Variants in LIG3 observed in about 807,000 individuals in gnomAD.
The protein encoded by LIG3 is ligase II, DNA, ATP-dependent.
LIG3 carries 58 observed loss-of-function variants against 110.9 expected under a neutral mutation model. The observed-to-expected ratio is 0.52, with a 90% CI of 0.42 to 0.65. The LOEUF (loss-of-function observed/expected upper bound fraction) is 0.65. Among genes scored for constraint, LIG3 ranks in the 30% least tolerant of loss-of-function variants. The probability of loss-of-function intolerance (pLI) is 0.00; values close to 1 mark genes in which losing one functional copy is unlikely to be tolerated. For synonymous variants in LIG3, 422 were observed against 472.8 expected, an observed-to-expected ratio of 0.89 and a Z score of 1.39; for missense variants, 1,094 against 1,273.8, an observed-to-expected ratio of 0.86 and a Z score of 2.15.
intron 8 of LIG3, chr17:34,994,054 C>T (rs1291411204): frequency 6.6e-6 from 3 of 455,166 alleles, no homozygotes; most frequent in South Asian, 9.5e-5. Flanking sequence ...AAGGCAAGCT[C>T]CTATGTCAGC....
At chr17:34,987,017 A>G (rs902726452) in intron 3 of LIG3, among the ~76,000 whole-genome samples, 5 of 152,244 alleles carry the variant, frequency 3.3e-5, no homozygotes, top group African/African-American at 1.2e-4. Context: ...TTCAAATCCC[A>G]TCTCCTAAAG....
chr17:35,001,859 C>G, intron 17 of LIG3, 50 bp from the exon 18 acceptor site: 1 of 1,548,006 alleles, frequency 6.5e-7, no homozygotes, highest in African/African-American at 1.4e-5. Context: ...CCTCTGAGGC[C>G]AGACTGGGAA....
At chr17:34,998,119 T>C (rs1300196451) in intron 12 of LIG3, 100 bp from the exon 13 acceptor site, 1 of 853,878 alleles carries the variant, frequency 1.2e-6, no homozygotes, top group East Asian at 2.5e-5. Flanking sequence ...TAAGGGTGTT[T>C]CCAGTGGACA....
At position 34,991,676 on chromosome 17, in the gene LIG3, C is replaced by T. The variant is rs530568867; in HGVS notation, c.1047C>T (p.Asp349=). 4.6e-5 allele frequency: 74 copies of T among 1,613,762 alleles called. No individual in the cohort carries two copies. In the South Asian group the frequency reaches 4.7e-4, roughly 10 times the overall value. ...ATTTTGGTTTTTGGAGACAGGGTGACGTGTCAGAGACAATCAGAGTCTTCT... is the reference window on the plus strand; with the variant it reads ...ATTTTGGTTTTTGGAGACAGGGTGATGTGTCAGAGACAATCAGAGTCTTCT... ...DDMARDLEQG[D]VSETIRVFFE... Residue 349 remains aspartate (D), a synonymous_variant, in exon 6 of 20, where the codon GAC becomes GAT. Coordinates refer to ENST00000378526, the MANE Select transcript of LIG3 (RefSeq NM_013975.4).
chr17:34,996,255 G>C lies in LIG3; in HGVS notation c.1743+60G>C, dbSNP rs16970512. On this transcript the variant is annotated intron_variant, in intron 10 of 19. Transcript: ENST00000378526. ...GAGTGTGAGTGAGTATGTACATGTGGGTGCACGCTGCGGTCTGAAAAGGGA... is the reference window on the plus strand; with the variant it reads ...GAGTGTGAGTGAGTATGTACATGTGCGTGCACGCTGCGGTCTGAAAAGGGA... 2.3e-5 allele frequency: 36 copies of C among 1,566,296 alleles called. No homozygotes were observed. The East Asian group carries it at 3.4e-4, about 15-fold the overall frequency.
At position 35,001,422 on chromosome 17, in the gene LIG3, T is replaced by C; in HGVS notation, c.2478+19T>C. On this transcript the variant is annotated intron_variant, in intron 17 of 19. Coordinates refer to ENST00000378526, the MANE Select transcript of LIG3 (RefSeq NM_013975.4). Reference sequence around the variant, plus strand: ...ACTCAAGGTAGCAGCTCTTAGGCTGTATATGTATTCTCCACCCCACTGTCC... The same window carrying C: ...ACTCAAGGTAGCAGCTCTTAGGCTGCATATGTATTCTCCACCCCACTGTCC... 1.9e-6 allele frequency: 3 copies of C among 1,611,660 alleles called. No homozygotes were observed. The highest frequency in any genetic ancestry group is 2.5e-6 in the Non-Finnish European group (3 of 1,177,908).
chr17:34,999,466 G>A lies in LIG3; in HGVS notation c.2256+17G>A. The A allele has an allele frequency of 1.9e-6, 3 of 1,612,242 alleles. No homozygotes were observed. Among genetic ancestry groups the A allele is most frequent in the Non-Finnish European group, 2.5e-6 (3 of 1,178,924 alleles). On this transcript the variant is annotated intron_variant, in intron 15 of 19. Coordinates refer to ENST00000378526, the MANE Select transcript of LIG3 (RefSeq NM_013975.4). ...ATCAGCAAGGTGAGGAAGGGACCTG[G>A]TTGGCCATGGCCTCTGGACTGGCCG...
intron 2 of LIG3, 60 bp downstream of exon 2, chr17:34,983,612 G>C: frequency 6.9e-7 from 1 of 1,446,020 alleles, no homozygotes; most frequent in Admixed American, 2.3e-5. Context: ...GGGATAAGGA[G>C]TTCAACTGCT....
At chr17:34,998,174 C>T (rs780887035) in intron 12 of LIG3, 45 bp from the exon 13 acceptor site, 2 of 1,490,494 alleles carry the variant, frequency 1.3e-6, no homozygotes, top group South Asian at 2.4e-5. Flanking sequence ...CACTCACCAC[C>T]TTCTCCACTC....
intron 2 of LIG3, 130 bp from the exon 3 acceptor site, chr17:34,985,857 GC>G: frequency 1.2e-6 from 1 of 827,860 alleles, no homozygotes; most frequent in East Asian, 2.6e-5. Context: ...CCAGCCACCA[GC>G]CAGCCTTGGG....
chr17:34,986,376 C>T (rs531450876), intron 3 of LIG3, among the ~76,000 whole-genome samples: 1 of 152,234 alleles, frequency 6.6e-6, no homozygotes, highest in East Asian at 1.9e-4. Flanking sequence ...AGCTGGAGTG[C>T]AGTGGTGCAT....
In LIG3 at chr17:35,005,094, G is replaced by A. The variant is rs1253399313; in HGVS notation, c.*588G>A. Reference sequence around the variant, plus strand: ...CTGTGTTCTCCTATTACATGGTGAGGATCCCCAGTTTGAAGGGAGGGGACT... The same window carrying A: ...CTGTGTTCTCCTATTACATGGTGAGAATCCCCAGTTTGAAGGGAGGGGACT... On this transcript the variant is annotated 3_prime_UTR_variant, in exon 20 of 20. Coordinates refer to ENST00000378526, the MANE Select transcript of LIG3 (RefSeq NM_013975.4). The A allele has an allele frequency of 5.9e-6, 2 of 338,536 alleles. No individual in the cohort carries two copies. Among genetic ancestry groups the A allele is most frequent in the Non-Finnish European group, 1.2e-5 (2 of 170,268 alleles). The allele number at this position is 338,536 out of a possible 1,614,324, so 21.0% of individuals were successfully genotyped here. A position where few individuals can be genotyped will look rare whatever the true frequency, so the allele number is the denominator to read the frequency against.
In LIG3 at chr17:35,004,391, T is replaced by C. The variant is rs897134545; in HGVS notation, c.2915T>C (p.Met972Thr). The change falls in exon 20 of 20, where the codon ATG becomes ACG. Residue 972 changes from methionine to threonine, a missense_variant. Met to Thr is a moderately conservative substitution (Grantham distance 81, BLOSUM62 -1). Coordinates refer to ENST00000378526, the MANE Select transcript of LIG3 (RefSeq NM_013975.4). ...GGGGACCTGGTACAGGAATTTGATA[T>C]GACTTCAGCCACGCACGTGCTGGGT... ...FDGDLVQEFD[M>T]TSATHVLGSR... 4.3e-6 allele frequency: 7 copies of C among 1,614,084 alleles called. No homozygotes were observed. Among genetic ancestry groups the C allele is most frequent in the East Asian group, 4.5e-5 (2 of 44,884 alleles).
Position 35,005,330 on chromosome 17 carries a change from G to C in LIG3, c.*824G>C. The C allele has an allele frequency of 1.8e-6, 1 of 550,978 alleles. No homozygotes were observed. The highest frequency in any genetic ancestry group is 1.4e-5 in the South Asian group (1 of 72,522). The allele number at this position is 550,978 out of a possible 1,614,324, so 34.1% of individuals were successfully genotyped here. ...GACTTTGTACCATATCCCATTCTTAGTGCTCGAGTGTTCCAACCTGAAGTT... is the reference window on the plus strand; with the variant it reads ...GACTTTGTACCATATCCCATTCTTACTGCTCGAGTGTTCCAACCTGAAGTT... On this transcript the variant is annotated 3_prime_UTR_variant, in exon 20 of 20. Coordinates refer to ENST00000378526, the MANE Select transcript of LIG3 (RefSeq NM_013975.4).
In LIG3 at chr17:34,998,207, CTT is replaced by C; in HGVS notation, c.1912-11_1912-10del. 1 of 1,608,386 alleles carries C rather than the reference CTT, an allele frequency of 6.2e-7. No individual in the cohort carries two copies. The highest frequency in any genetic ancestry group is 1.1e-5 in the South Asian group (1 of 90,302). On this transcript the variant is annotated splice_polypyrimidine_tract_variant and intron_variant, in intron 12 of 19. Transcript: ENST00000378526. ...CTCTCACACCAACTTCAGCATCTCT[CTT>C]GTCCCTCAGAAAGCTTTGGACTTGG...
chr17:34,998,200 C>A lies in LIG3; in HGVS notation c.1912-19C>A. ...TTCTCCACTCTCACACCAACTTCAG[C>A]ATCTCTCTTGTCCCTCAGAAAGCTT... On this transcript the variant is annotated intron_variant, in intron 12 of 19. Coordinates refer to ENST00000378526, the MANE Select transcript of LIG3 (RefSeq NM_013975.4). 1 of 1,598,438 alleles carries A rather than the reference C, an allele frequency of 6.3e-7. No individual in the cohort carries two copies. The highest frequency in any genetic ancestry group is 8.5e-7 in the Non-Finnish European group (1 of 1,170,900).
intron 2 of LIG3, 94 bp downstream of exon 2, chr17:34,983,646 G>A (rs760829935): frequency 3.2e-5 from 40 of 1,251,296 alleles, no homozygotes; most frequent in Non-Finnish European, 3.9e-5. Context: ...TTTTAACTTT[G>A]CTCTTTTAGA....
intron 18 of LIG3, 120 bp downstream of exon 18, chr17:35,002,224 A>G (rs765977244): frequency 3.6e-5 from 31 of 858,600 alleles, no homozygotes; most frequent in Non-Finnish European, 4.8e-5. Flanking sequence ...TGTCCACTGC[A>G]GTGGACACAG....
chr17:34,995,997 T>A, intron 9 of LIG3, 67 bp from the exon 10 acceptor site: 1 of 1,566,270 alleles, frequency 6.4e-7, no homozygotes, highest in Non-Finnish European at 8.7e-7. Context: ...GGCTTTGCCC[T>A]CCATGGCATG....
Sources: allele counts gnomAD v4.1 joint callset (sites outside exome capture counted in the v4.1 genomes callset), GRCh38; gene constraint gnomAD v4.1.1; transcripts MANE v1.5; gene names NCBI Gene and HGNC (gene_info 2026-07-23, HGNC 2026-07-21).